Variants in ZBTB16 observed in about 807,000 individuals in gnomAD.
The protein encoded by ZBTB16 is zinc finger and BTB domain containing 16, also known as zinc finger and BTB domain-containing protein 16.
A neutral mutation model predicts 56.8 loss-of-function variants in ZBTB16; 8 were observed. The observed-to-expected ratio is 0.14, with a 90% CI of 0.08 to 0.25. The LOEUF (loss-of-function observed/expected upper bound fraction) is 0.25, where lower values mean the gene tolerates loss of function less well. ZBTB16 is among the 10% of genes least tolerant of loss of function. The pLI is 1.00. For synonymous variants in ZBTB16, 363 were observed against 368.5 expected, an observed-to-expected ratio of 0.98 and a Z score of 0.17; for missense variants, 625 against 903.0, an observed-to-expected ratio of 0.69 and a Z score of 3.95.
At chr11:114,202,615 T>A (rs1333414126) in intron 4 of ZBTB16, among the ~76,000 whole-genome samples, 1 of 152,254 alleles carries the variant, frequency 6.6e-6, no homozygotes, top group Non-Finnish European at 1.5e-5. Flanking sequence ...ATCAATATTT[T>A]ATAGACTGTA....
At chr11:114,136,959 C>A (rs758886738) in intron 2 of ZBTB16, among the ~76,000 whole-genome samples, 29 of 152,106 alleles carry the variant, frequency 1.9e-4, no homozygotes, top group Middle Eastern at 3.2e-3. Context: ...CCACAATGAT[C>A]CCAGGTTCTA....
At chr11:114,189,163 A>G (rs1045803590) in intron 4 of ZBTB16, 3 of 152,250 alleles carry the variant, frequency 2.0e-5, no homozygotes, top group African/African-American at 7.2e-5. Flanking sequence ...AGGGTGACAA[A>G]ATATTTGCAA....
At chr11:114,106,557 ACC>A (rs1940797641) in intron 2 of ZBTB16, among the ~76,000 whole-genome samples, 1 of 147,732 alleles carries the variant, frequency 6.8e-6, no homozygotes, top group African/African-American at 2.5e-5. Flanking sequence ...TGCAGTCTCC[ACC>A]TCCTGGGTTC....
chr11:114,208,228 T>C (rs1278968502), intron 4 of ZBTB16, among the ~76,000 whole-genome samples: 1 of 152,220 alleles, frequency 6.6e-6, no homozygotes, highest in Non-Finnish European at 1.5e-5. Context: ...TGGGCCTTTC[T>C]ACTGTGTTAG....
chr11:114,209,195 G>A (rs1943948875), intron 4 of ZBTB16, among the ~76,000 whole-genome samples: 1 of 152,218 alleles, frequency 6.6e-6, no homozygotes, highest in Non-Finnish European at 1.5e-5. Context: ...GGGTGAGTGG[G>A]CAGGGAAGGT....
At chr11:114,066,040 C>T (rs1939102994) in intron 2 of ZBTB16, among the ~76,000 whole-genome samples, 1 of 152,108 alleles carries the variant, frequency 6.6e-6, no homozygotes, top group Admixed American at 6.6e-5. Flanking sequence ...TCAAGAAATC[C>T]AGCTTTCTGT....
At chr11:114,197,686 G>T (rs1943640811) in intron 4 of ZBTB16, among the ~76,000 whole-genome samples, 1 of 151,918 alleles carries the variant, frequency 6.6e-6, no homozygotes, top group African/African-American at 2.4e-5. Flanking sequence ...CAGGGGGTGG[G>T]GTGGGAGTAG....
intron 2 of ZBTB16, among the ~76,000 whole-genome samples, chr11:114,148,562 C>T (rs1201008337): frequency 1.3e-5 from 2 of 150,666 alleles, no homozygotes. Flanking sequence ...GGTACGATCT[C>T]GACTTACTGC....
intron 4 of ZBTB16, among the ~76,000 whole-genome samples, chr11:114,198,440 G>A (rs960645001): frequency 6.6e-6 from 1 of 152,240 alleles, no homozygotes; most frequent in African/African-American, 2.4e-5. Context: ...GCTGCTTGCT[G>A]TAGAGTAGGG....
chr11:114,133,968 G>A lies in ZBTB16; in HGVS notation c.1269-22369G>A, dbSNP rs536848168. ...CCATGGAGGTGGGCTCAGTGGCCTCGTCTTTTTACCAGTACCCAAAAAGCC... is the reference window on the plus strand; with the variant it reads ...CCATGGAGGTGGGCTCAGTGGCCTCATCTTTTTACCAGTACCCAAAAAGCC... On this transcript the variant is annotated intron_variant, in intron 2 of 6. Coordinates refer to ENST00000335953, the MANE Select transcript of ZBTB16 (RefSeq NM_006006.6). Among the ~76,000 whole-genome samples, 17 of 152,284 alleles carry A rather than the reference G, an allele frequency of 1.1e-4. No homozygotes were observed. The East Asian group carries it at 3.1e-3, about 28-fold the overall frequency.
intron 4 of ZBTB16, among the ~76,000 whole-genome samples, chr11:114,219,571 G>T (rs191351407): frequency 2.6e-5 from 4 of 152,038 alleles, no homozygotes; most frequent in African/African-American, 9.6e-5. Flanking sequence ...ATCGAGTTGT[G>T]TCTCTGGGCC....
chr11:114,231,935 G>A (rs1206848440), intron 4 of ZBTB16, among the ~76,000 whole-genome samples: 1 of 152,122 alleles, frequency 6.6e-6, no homozygotes, highest in Non-Finnish European at 1.5e-5. Context: ...GCCCAGAAAG[G>A]TCTAGTAACC....
chr11:114,187,022 C>A lies in ZBTB16; in HGVS notation c.1437C>A (p.His479Gln). 6.2e-7 allele frequency: 1 copy of A among 1,614,094 alleles called. No individual in the cohort carries two copies. Among genetic ancestry groups the A allele is most frequent in the South Asian group, 1.1e-5 (1 of 91,066 alleles). ...QFSKEDALET[H>Q]RQTHTGTDMA... ...CGAAGGAGGATGCCCTGGAGACACA[C>A]AGGCAGACCCATACTGGTGAGTTGA... The change falls in exon 4 of 7, where the codon CAC becomes CAA. Residue 479 changes from histidine to glutamine, a missense_variant. This residue lies in a region of ZBTB16 where 140 missense variants were observed against 214.8 expected (regional missense o/e 0.65). Transcript: ENST00000335953.
chr11:114,073,938 TG>T (rs1222648678), intron 2 of ZBTB16, among the ~76,000 whole-genome samples: 2 of 152,108 alleles, frequency 1.3e-5, no homozygotes, highest in Non-Finnish European at 1.5e-5. Flanking sequence ...TAGTGGGAGA[TG>T]GGGTGGCACT....
At chr11:114,166,959 C>T (rs766776211) in intron 3 of ZBTB16, among the ~76,000 whole-genome samples, 4 of 152,042 alleles carry the variant, frequency 2.6e-5, no homozygotes, top group African/African-American at 9.7e-5. Flanking sequence ...ATTCTGTGCT[C>T]CGTGCAATAC....
chr11:114,077,316 T>C (rs1939607689), intron 2 of ZBTB16, among the ~76,000 whole-genome samples: 1 of 152,172 alleles, frequency 6.6e-6, no homozygotes, highest in African/African-American at 2.4e-5. Context: ...TGGTTCTTGA[T>C]GTGAGTTTGC....
At chr11:114,110,723 A>C (rs1565630713) in intron 2 of ZBTB16, among the ~76,000 whole-genome samples, 3 of 152,176 alleles carry the variant, frequency 2.0e-5, no homozygotes. Flanking sequence ...AGTGATAGAA[A>C]CTGATGAGGT....
intron 3 of ZBTB16, among the ~76,000 whole-genome samples, chr11:114,178,421 T>A (rs1943171223): frequency 6.6e-6 from 1 of 152,206 alleles, no homozygotes; most frequent in African/African-American, 2.4e-5. Context: ...GATAATTCAC[T>A]TCTTCAGGGT....
chr11:114,212,095 C>T (rs186395453), intron 4 of ZBTB16, among the ~76,000 whole-genome samples: 7 of 151,692 alleles, frequency 4.6e-5, no homozygotes, highest in Non-Finnish European at 4.4e-5. Context: ...ACAGTGTGGA[C>T]CGGGCGAGCT....
Sources: gnomAD v4.1 joint callset for allele counts (sites outside exome capture counted in the v4.1 genomes callset) on GRCh38, gnomAD v4.1.1 for gene constraint, gnomAD v4.1.1 regional missense constraint, MANE v1.5 for transcripts, NCBI Gene and HGNC (gene_info 2026-07-23, HGNC 2026-07-21) for gene names.